Variants in RASEF observed in about 807,000 individuals in gnomAD.
RASEF encodes the protein ras and EF-hand domain-containing protein.
RASEF carries 68 observed loss-of-function variants against 90.1 expected under a neutral mutation model. That is an observed-to-expected ratio of 0.75 (90% CI 0.62 to 0.92). The LOEUF (loss-of-function observed/expected upper bound fraction) is 0.92, where lower values mean the gene tolerates loss of function less well. RASEF is among the 40% of genes least tolerant of loss of function. The probability of loss-of-function intolerance (pLI) is 0.00; values close to 1 mark genes in which losing one functional copy is unlikely to be tolerated. For missense variants in RASEF, 949 were observed against 937.2 expected, an observed-to-expected ratio of 1.01 and a Z score of -0.16; for synonymous variants, 331 against 345.2, an observed-to-expected ratio of 0.96 and a Z score of 0.46.
chr9:83,112,359 T>C, the RASEF span, among the ~76,000 whole-genome samples: 12 of 152,238 alleles, frequency 7.9e-5, no homozygotes, highest in African/African-American at 2.7e-4. Flanking sequence ...CGTTAGTGAA[T>C]TGGCACATTC....
chr9:83,195,890 A>AT, the RASEF span, among the ~76,000 whole-genome samples: 20 of 152,132 alleles, frequency 1.3e-4, no homozygotes, highest in African/African-American at 4.8e-4. Flanking sequence ...TGTTCAAAAC[A>AT]GCCTACTGAT....
At chr9:83,168,917 T>C in the RASEF span, among the ~76,000 whole-genome samples, 3 of 152,228 alleles carry the variant, frequency 2.0e-5, no homozygotes, top group South Asian at 6.2e-4. Context: ...ACTTTCCTAG[T>C]GAACACTGGA....
At chr9:83,150,845 T>C in the RASEF span, among the ~76,000 whole-genome samples, 4 of 152,176 alleles carry the variant, frequency 2.6e-5, no homozygotes, top group Non-Finnish European at 5.9e-5. Flanking sequence ...TCCAGAAGAA[T>C]TGAAGACAAA....
the RASEF span, among the ~76,000 whole-genome samples, chr9:83,148,652 T>C: frequency 6.6e-6 from 1 of 152,212 alleles, no homozygotes; most frequent in East Asian, 1.9e-4. Context: ...TTGTGGTCTT[T>C]GTTACAACAG....
At chr9:83,045,494 T>C (rs958772228) in intron 1 of RASEF, among the ~76,000 whole-genome samples, 38 of 152,346 alleles carry the variant, frequency 2.5e-4, no homozygotes, top group African/African-American at 7.9e-4. Flanking sequence ...CCTAATGGAT[T>C]TCTGAACTTT....
the RASEF span, among the ~76,000 whole-genome samples, chr9:83,104,427 G>A: frequency 2.6e-5 from 4 of 152,124 alleles, no homozygotes; most frequent in Non-Finnish European, 4.4e-5. Flanking sequence ...AACTGAGAGA[G>A]CTTGCGAGAA....
the RASEF span, among the ~76,000 whole-genome samples, chr9:83,187,941 G>A: frequency 6.6e-6 from 1 of 152,172 alleles, no homozygotes; most frequent in East Asian, 1.9e-4. Flanking sequence ...CTCCAAGGCT[G>A]ACTTCCTTCA....
At chr9:83,162,078 T>C in the RASEF span, among the ~76,000 whole-genome samples, 3 of 152,160 alleles carry the variant, frequency 2.0e-5, no homozygotes, top group East Asian at 5.8e-4. Flanking sequence ...ATGGCTGCTA[T>C]ACATACAAAT....
intron 1 of RASEF, among the ~76,000 whole-genome samples, chr9:83,056,198 A>G (rs1830101224): frequency 6.6e-6 from 1 of 152,208 alleles, no homozygotes; most frequent in African/African-American, 2.4e-5. Context: ...GAAGACCCTG[A>G]ATATTTACAA....
intron 1 of RASEF, among the ~76,000 whole-genome samples, 165 bp downstream of exon 1, chr9:83,062,272 C>T (rs1215222818): frequency 6.6e-6 from 1 of 152,024 alleles, no homozygotes; most frequent in Non-Finnish European, 1.5e-5. Flanking sequence ...TTTTTCTTAA[C>T]TCTAGCGGAT....
the RASEF span, among the ~76,000 whole-genome samples, chr9:83,185,501 T>C: frequency 2.0e-5 from 3 of 152,024 alleles, no homozygotes; most frequent in Non-Finnish European, 2.9e-5. Context: ...AATTATCAAT[T>C]CTGTGCCTTC....
chr9:83,068,921 TTAAAA>T, the RASEF span, among the ~76,000 whole-genome samples: 2 of 152,244 alleles, frequency 1.3e-5, no homozygotes, highest in East Asian at 1.9e-4. Flanking sequence ...CAAGTTTATG[TTAAAA>T]TAAGTAGCTT....
At chr9:83,112,631 G>A in the RASEF span, among the ~76,000 whole-genome samples, 2 of 151,776 alleles carry the variant, frequency 1.3e-5, no homozygotes, top group African/African-American at 2.4e-5. Context: ...AGGTTGTGGT[G>A]AGCCAAGATC....
chr9:83,037,981 AATT>A (rs1766147640), intron 1 of RASEF, among the ~76,000 whole-genome samples: 2 of 152,076 alleles, frequency 1.3e-5, no homozygotes, highest in African/African-American at 4.8e-5. Flanking sequence ...GAAATTCTGT[AATT>A]ATTATTTGGA....
the RASEF span, among the ~76,000 whole-genome samples, chr9:83,163,866 G>T: frequency 1.1e-4 from 17 of 151,512 alleles, no homozygotes; most frequent in Non-Finnish European, 2.9e-5. Context: ...GATTCAGGAG[G>T]CTCAGAGAAC....
chr9:83,048,444 G>A lies in RASEF; in HGVS notation c.431+13993C>T, dbSNP rs7033636. The A allele has an allele frequency of 9.5e-3, 9,313 of 985,104 alleles. 622 individuals carry two copies. In the African/African-American group the frequency reaches 0.15, roughly 16 times the overall value. 61.0% of individuals were successfully genotyped at this position (985,104 alleles called of 1,614,324 possible). ...TGATGTCATCACCTTCTGAATAGAG[G>A]GAAACCAGCCAAGCAACTTGGACTT... is the stretch of plus-strand genomic sequence containing the variant. On this transcript the variant is annotated intron_variant, in intron 1 of 16. Transcript: ENST00000376447.
the RASEF span, among the ~76,000 whole-genome samples, chr9:83,093,667 C>T: frequency 5.5e-3 from 841 of 152,306 alleles, 7 homozygotes; most frequent in African/African-American, 0.019. Flanking sequence ...CACGCAGCCC[C>T]GGTTCCCGCT....
intron 1 of RASEF, among the ~76,000 whole-genome samples, chr9:83,037,432 C>T (rs1248065051): frequency 2.0e-5 from 3 of 150,240 alleles, no homozygotes; most frequent in Non-Finnish European, 4.4e-5. Flanking sequence ...AATCTTATTA[C>T]GAACGCTATT....
chr9:82,987,116 C>T (rs1828723377), intron 16 of RASEF, among the ~76,000 whole-genome samples: 1 of 152,170 alleles, frequency 6.6e-6, no homozygotes, highest in African/African-American at 2.4e-5. Context: ...TTGCATTATA[C>T]ATAAATTTCC....
Sources: gnomAD v4.1 joint callset for allele counts (sites outside exome capture counted in the v4.1 genomes callset) on GRCh38, gnomAD v4.1.1 for gene constraint, MANE v1.5 for transcripts, NCBI Gene and HGNC (gene_info 2026-07-23, HGNC 2026-07-21) for gene names.